Variants in RB1CC1 observed in about 807,000 individuals in gnomAD.
RB1CC1 encodes the protein RB1 inducible coiled-coil 1.
A neutral mutation model predicts 177.5 loss-of-function variants in RB1CC1; 46 were observed. That is an observed-to-expected ratio of 0.26 (90% CI 0.20 to 0.33). RB1CC1 has a LOEUF of 0.33. Ranked by LOEUF, RB1CC1 falls within the 10% of genes least tolerant of loss-of-function variation. The pLI is 1.00. For synonymous variants in RB1CC1, 666 were observed against 613.6 expected (o/e 1.09, Z -1.26); for missense variants, 1,703 against 1,816.3 (o/e 0.94, Z 1.13).
At position 52,656,428 on chromosome 8, in the gene RB1CC1, T is replaced by G; in HGVS notation, c.3401A>C (p.Asp1134Ala). ...ACTAATTAACTCGGAAATACACTGA[T>G]CTTTTTCAATTGTCATTAAAGTTCT... is the stretch of plus-strand genomic sequence containing the variant. ...ELRTLMTIEK[D>A]QCISELISRH... The change falls in exon 15 of 24, where the codon GAT becomes GCT. Residue 1134 changes from aspartate to alanine, a missense_variant. Physicochemically the swap from Asp to Ala is moderately radical, Grantham distance 126 (BLOSUM62 -2). This residue lies in a region of RB1CC1 where 1,169 missense variants were observed against 1,184.7 expected (regional missense o/e 0.99). Transcript: ENST00000025008. 1 of 1,611,742 alleles carries G rather than the reference T, an allele frequency of 6.2e-7. No individual in the cohort carries two copies. The highest frequency in any genetic ancestry group is 8.5e-7 in the Non-Finnish European group (1 of 1,179,656).
At chr8:52,672,931 T>C (rs959020449) in intron 7 of RB1CC1, among the ~76,000 whole-genome samples, 2 of 152,190 alleles carry the variant, frequency 1.3e-5, no homozygotes, top group African/African-American at 4.8e-5. Context: ...CTGGCAAACA[T>C]GTCTTAATTG....
chr8:52,638,147 T>C lies in RB1CC1; in HGVS notation c.4338-2078A>G, dbSNP rs1051363683. Among the ~76,000 whole-genome samples, 13 of 152,292 alleles carry C rather than the reference T, an allele frequency of 8.5e-5. No homozygotes were observed. In the East Asian group the frequency reaches 1.3e-3, roughly 16 times the overall value. Reference sequence around the variant, plus strand: ...GTTCTCACAGATGCCTTTCAATAGGTTGAGGAAGTCAATTCCTAGTTTGTT... The same window carrying C: ...GTTCTCACAGATGCCTTTCAATAGGCTGAGGAAGTCAATTCCTAGTTTGTT... On this transcript the variant is annotated intron_variant, in intron 18 of 23. Transcript: ENST00000025008.
At position 52,676,358 on chromosome 8, in the gene RB1CC1, G is replaced by A. The variant is rs1853126182; in HGVS notation, c.572+11C>T. ...TTAAACAAATATTATCCATTTTAAT[G>A]GCAAACATACTGAGTAAGTTTTAAC... On this transcript the variant is annotated intron_variant, in intron 6 of 23. Coordinates refer to ENST00000025008, the MANE Select transcript of RB1CC1 (RefSeq NM_014781.5). The A allele has an allele frequency of 1.3e-6, 2 of 1,582,480 alleles. No individual in the cohort carries two copies. The highest frequency in any genetic ancestry group is 8.6e-7 in the Non-Finnish European group (1 of 1,159,202).
At chr8:52,652,825 A>G (rs1184559157) in intron 15 of RB1CC1, among the ~76,000 whole-genome samples, 1 of 152,202 alleles carries the variant, frequency 6.6e-6, no homozygotes, top group East Asian at 1.9e-4. Context: ...TGGGAGGCTG[A>G]GGCAGGTGGA....
chr8:52,680,673 A>T (rs924361609), intron 5 of RB1CC1, among the ~76,000 whole-genome samples: 5 of 151,644 alleles, frequency 3.3e-5, no homozygotes, highest in African/African-American at 1.2e-4. Context: ...GAACAGATTT[A>T]AAAAAAAACT....
chr8:52,696,812 G>A (rs887391396), intron 1 of RB1CC1, among the ~76,000 whole-genome samples: 2 of 152,086 alleles, frequency 1.3e-5, no homozygotes, highest in East Asian at 3.9e-4. Flanking sequence ...AGACCAGCCT[G>A]GGTAACATGG....
At position 52,674,070 on chromosome 8, in the gene RB1CC1, G is replaced by T. The variant is rs1461456928; in HGVS notation, c.777C>A (p.Pro259=). The T allele has an allele frequency of 1.2e-6, 2 of 1,614,056 alleles. No homozygotes were observed. The highest frequency in any genetic ancestry group is 1.1e-5 in the South Asian group (1 of 91,060). ...CTGGGGACACATGTTCCACTGACTT[G>T]GGAAATGAGGTTAACAAAGATTCGT... ...TTNESLLTSF[P]KSVEHVSPDT... The change falls in exon 7 of 24, where the codon CCC becomes CCA. Residue 259 remains proline (P), a synonymous_variant. Transcript: ENST00000025008.
chr8:52,673,251 G>A (rs542149236), intron 7 of RB1CC1, among the ~76,000 whole-genome samples: 4 of 152,220 alleles, frequency 2.6e-5, no homozygotes, highest in Admixed American at 2.0e-4. Flanking sequence ...TTCCTTCCTG[G>A]TGTCAAAGAT....
chr8:52,674,348 C>A lies in RB1CC1; in HGVS notation c.573-74G>T. On this transcript the variant is annotated intron_variant, in intron 6 of 23. Transcript: ENST00000025008. ...AGGAATTAGCATGTTTGAATGAAAT[C>A]ACATATTATTATACACACAAATCTC... The A allele has an allele frequency of 2.3e-6, 3 of 1,293,722 alleles. No individual in the cohort carries two copies. In the East Asian group the frequency reaches 6.9e-5, roughly 30 times the overall value. The allele number at this position is 1,293,722 out of a possible 1,614,324, so 80.1% of individuals were successfully genotyped here.
intron 15 of RB1CC1, among the ~76,000 whole-genome samples, chr8:52,649,533 A>C (rs2150438466): frequency 6.6e-6 from 1 of 152,148 alleles, no homozygotes; most frequent in South Asian, 2.1e-4. Context: ...CTGTTTTTTC[A>C]AAAAAATCTC....
At chr8:52,704,443 C>T (rs1271752495) in intron 1 of RB1CC1, among the ~76,000 whole-genome samples, 1 of 123,940 alleles carries the variant, frequency 8.1e-6, no homozygotes, top group Non-Finnish European at 1.7e-5. Flanking sequence ...AGAATTCACA[C>T]AAAGGTGACA....
At chr8:52,700,192 CA>C (rs1187068869) in intron 1 of RB1CC1, among the ~76,000 whole-genome samples, 1 of 152,060 alleles carries the variant, frequency 6.6e-6, no homozygotes, top group African/African-American at 2.4e-5. Context: ...GGCAGTCTTT[CA>C]CGGTGGTAAG....
intron 1 of RB1CC1, among the ~76,000 whole-genome samples, chr8:52,705,669 A>T (rs139420646): frequency 6.6e-6 from 1 of 152,324 alleles, no homozygotes; most frequent in East Asian, 1.9e-4. Flanking sequence ...GATGAATTTA[A>T]AAACTATCAA....
At chr8:52,660,887 C>T (rs770585745) in intron 11 of RB1CC1, 39 bp downstream of exon 11, 24 of 1,532,186 alleles carry the variant, frequency 1.6e-5, no homozygotes, top group Non-Finnish European at 2.0e-5. Flanking sequence ...AAACTTTTAT[C>T]CTTTACAAAA....
chr8:52,659,393 T>C (rs1284026395), intron 12 of RB1CC1, among the ~76,000 whole-genome samples: 3 of 152,170 alleles, frequency 2.0e-5, no homozygotes, highest in African/African-American at 7.2e-5. Flanking sequence ...TAACACTTTC[T>C]TATTTGCTTT....
Position 52,672,072 on chromosome 8 carries a change from GA to G in RB1CC1, c.1002+1772del, listed in dbSNP as rs1199914851. On this transcript the variant is annotated intron_variant, in intron 7 of 23. Transcript: ENST00000025008. ...TCAATGTAGCATTAACTTCTAAAAA[GA>G]AAAAAGTGATTGCTTAGTAATAACA... is the stretch of plus-strand genomic sequence containing the variant. 2.6e-5 allele frequency among the ~76,000 whole-genome samples: 4 copies of G among 152,188 alleles called. No homozygotes were observed. In the East Asian group the frequency reaches 7.7e-4, roughly 29 times the overall value.
intron 18 of RB1CC1, among the ~76,000 whole-genome samples, chr8:52,640,991 A>C (rs1849521022): frequency 6.6e-6 from 1 of 152,162 alleles, no homozygotes; most frequent in South Asian, 2.1e-4. Context: ...TGAAGATGCA[A>C]CTAACTGCGT....
In RB1CC1 at chr8:52,642,763, A is replaced by G; in HGVS notation, c.4037T>C (p.Ile1346Thr). 1 of 1,579,762 alleles carries G rather than the reference A, an allele frequency of 6.3e-7. No homozygotes were observed. Among genetic ancestry groups the G allele is most frequent in the South Asian group, 1.2e-5 (1 of 83,896 alleles). ...LTREKMRKEN[I>T]INDLSDKLKS... ...CAACTTATCACTAAGATCATTTATT[A>G]TGTTTTCTTTTCTCATTTTCTCTCT... The change falls in exon 17 of 24, where the codon ATA (isoleucine) becomes ACA (threonine). Residue 1346 changes from isoleucine (I) to threonine (T), a missense_variant. By Grantham distance (89) the Ile-to-Thr change is moderately conservative. Around this residue, in one of 6 missense-constraint regions of RB1CC1, gnomAD observed 1,169 missense variants for 1,184.7 expected, o/e 0.99. Coordinates refer to ENST00000025008, the MANE Select transcript of RB1CC1 (RefSeq NM_014781.5).
chr8:52,705,206 G>A (rs1856444402), intron 1 of RB1CC1, among the ~76,000 whole-genome samples: 1 of 152,148 alleles, frequency 6.6e-6, no homozygotes, highest in Admixed American at 6.5e-5. Flanking sequence ...GCATGAAACT[G>A]AACAGATCCA....
Sources: allele counts gnomAD v4.1 joint callset (sites outside exome capture counted in the v4.1 genomes callset), GRCh38; gene constraint gnomAD v4.1.1; regional missense constraint gnomAD v4.1.1; transcripts MANE v1.5; gene names NCBI Gene and HGNC (gene_info 2026-07-23, HGNC 2026-07-21).